GABBR2: variants seen among roughly 807,000 people sequenced by gnomAD.
GABBR2 encodes the protein G-protein coupled receptor 51.
A neutral mutation model predicts 105.6 loss-of-function variants in GABBR2; 23 were observed. That is an observed-to-expected ratio of 0.22 (90% confidence interval 0.16 to 0.31). The LOEUF is 0.31. GABBR2 is among the 10% of genes least tolerant of loss of function. The pLI, the probability that GABBR2 is intolerant of heterozygous loss-of-function variation, is 1.00. For synonymous variants in GABBR2, 478 were observed against 499.7 expected, an observed-to-expected ratio of 0.96 and a Z score of 0.58; for missense variants, 734 against 1,245.5, an observed-to-expected ratio of 0.59 and a Z score of 6.18.
intron 7 of GABBR2, among the ~76,000 whole-genome samples, chr9:98,446,802 A>G (rs1234189328): frequency 6.6e-6 from 1 of 152,156 alleles, no homozygotes; most frequent in Non-Finnish European, 1.5e-5. Flanking sequence ...AACAAGCCCC[A>G]TGTTCTAGGG....
intron 16 of GABBR2, among the ~76,000 whole-genome samples, chr9:98,301,200 G>A (rs937828665): frequency 3.3e-5 from 5 of 152,316 alleles, no homozygotes; most frequent in Middle Eastern, 3.4e-3. Context: ...AGTTCCAGAG[G>A]CCTGACTTAT....
At chr9:98,417,881 TG>T (rs1199056170) in intron 7 of GABBR2, among the ~76,000 whole-genome samples, 1 of 151,684 alleles carries the variant, frequency 6.6e-6, no homozygotes, top group Non-Finnish European at 1.5e-5. Flanking sequence ...GCAAAGAAGA[TG>T]GGAGAGGAAA....
At chr9:98,578,994 G>C (rs913272872) in intron 1 of GABBR2, among the ~76,000 whole-genome samples, 5 of 152,178 alleles carry the variant, frequency 3.3e-5, no homozygotes, top group Non-Finnish European at 7.3e-5. Context: ...GACAGGCTCA[G>C]AGTTTCAGTG....
At chr9:98,616,726 T>C (rs1341380707) in intron 1 of GABBR2, among the ~76,000 whole-genome samples, 1 of 149,294 alleles carries the variant, frequency 6.7e-6, no homozygotes, top group Non-Finnish European at 1.5e-5. Flanking sequence ...TGCACTCCAG[T>C]CTGAGTGACA....
intron 1 of GABBR2, among the ~76,000 whole-genome samples, chr9:98,618,432 C>T (rs1829618560): frequency 6.6e-6 from 1 of 151,944 alleles, no homozygotes; most frequent in East Asian, 1.9e-4. Flanking sequence ...GCATCTTACC[C>T]TGCAGCAATG....
At chr9:98,298,031 G>A (rs1176386877) in intron 17 of GABBR2, among the ~76,000 whole-genome samples, 12 of 128,956 alleles carry the variant, frequency 9.3e-5, no homozygotes, top group Non-Finnish European at 4.7e-5. Context: ...GACAGAGTGA[G>A]ACTCCATCTT....
chr9:98,661,680 C>T (rs571587367), intron 1 of GABBR2, among the ~76,000 whole-genome samples: 71 of 152,304 alleles, frequency 4.7e-4, no homozygotes, highest in African/African-American at 1.5e-3. Flanking sequence ...GGATTACAGG[C>T]GTGAGCCACC....
At chr9:98,350,487 T>G (rs537162183) in intron 13 of GABBR2, among the ~76,000 whole-genome samples, 8 of 152,230 alleles carry the variant, frequency 5.3e-5, no homozygotes, top group Non-Finnish European at 1.0e-4. Flanking sequence ...CTTAATTTCT[T>G]CATTGACCTA....
chr9:98,390,195 G>A (rs1832153799), intron 9 of GABBR2, among the ~76,000 whole-genome samples: 1 of 151,996 alleles, frequency 6.6e-6, no homozygotes, highest in African/African-American at 2.4e-5. Context: ...GCCAACATGG[G>A]GAAACCCCGT....
intron 7 of GABBR2, among the ~76,000 whole-genome samples, chr9:98,418,496 G>C (rs887526613): frequency 6.6e-6 from 1 of 152,058 alleles, no homozygotes; most frequent in Non-Finnish European, 1.5e-5. Context: ...GATTGTGCCA[G>C]TGTACTCCAG....
chr9:98,438,884 C>T (rs146701895), intron 7 of GABBR2, among the ~76,000 whole-genome samples: 11 of 152,226 alleles, frequency 7.2e-5, no homozygotes, highest in African/African-American at 2.4e-4. Flanking sequence ...GCTGGTGGAT[C>T]CCTCTCCCTT....
chr9:98,550,595 G>A (rs4448404), intron 2 of GABBR2, among the ~76,000 whole-genome samples: 3,622 of 152,154 alleles, frequency 0.024, 144 homozygotes, highest in East Asian at 0.15. Flanking sequence ...TGGCAAAGAC[G>A]GGCAGCAGCT....
At chr9:98,435,351 A>C (rs1825884233) in intron 7 of GABBR2, among the ~76,000 whole-genome samples, 2 of 152,204 alleles carry the variant, frequency 1.3e-5, no homozygotes, top group South Asian at 4.1e-4. Context: ...ATGGAAAGTA[A>C]TTGCATTAGG....
intron 8 of GABBR2, among the ~76,000 whole-genome samples, chr9:98,400,076 T>C (rs1832365800): frequency 6.7e-6 from 1 of 149,978 alleles, no homozygotes; most frequent in Non-Finnish European, 1.5e-5. Context: ...TTCAGCTACT[T>C]GGGAGGCTGA....
At chr9:98,350,177 C>CA (rs35948835) in intron 13 of GABBR2, among the ~76,000 whole-genome samples, 23,419 of 145,614 alleles carry the variant, frequency 0.16, 3,718 homozygotes, top group African/African-American at 0.42. Context: ...TTTATCTTCT[C>CA]AAAAAAAAAA....
intron 1 of GABBR2, among the ~76,000 whole-genome samples, chr9:98,608,730 T>A (rs1158186155): frequency 6.6e-6 from 1 of 152,228 alleles, no homozygotes; most frequent in Non-Finnish European, 1.5e-5. Context: ...ATTCTTTAAA[T>A]ATATATTATT....
chr9:98,385,610 T>G, intron 11 of GABBR2, 30 bp downstream of exon 11: 1 of 1,601,044 alleles, frequency 6.2e-7, no homozygotes, highest in Non-Finnish European at 8.6e-7. Context: ...CTTTCTATCA[T>G]ATACCACTGG....
intron 1 of GABBR2, among the ~76,000 whole-genome samples, chr9:98,670,325 A>G (rs1316473197): frequency 1.3e-5 from 2 of 152,158 alleles, no homozygotes; most frequent in Admixed American, 1.3e-4. Context: ...CACTACCAAA[A>G]AAGTCCAGAA....
chr9:98,705,922 CA>C (rs1423720939), intron 1 of GABBR2, among the ~76,000 whole-genome samples: 3 of 151,654 alleles, frequency 2.0e-5, no homozygotes, highest in Non-Finnish European at 4.4e-5. Context: ...ACTAAAAATA[CA>C]AAATTAGCTG....
Sources: gnomAD v4.1 joint callset for allele counts (sites outside exome capture counted in the v4.1 genomes callset) on GRCh38, gnomAD v4.1.1 for gene constraint, MANE v1.5 for transcripts, NCBI Gene and HGNC (gene_info 2026-07-23, HGNC 2026-07-21) for gene names.